Variants in B4GALNT1 observed in about 807,000 individuals in gnomAD.
B4GALNT1 encodes beta-1,4-N-acetyl-galactosaminyltransferase 1, also known as beta-1,4 N-acetylgalactosaminyltransferase 1.
Under a neutral mutation model 55.2 loss-of-function variants are expected in B4GALNT1, and 43 were observed. The observed-to-expected ratio is 0.78, with a 90% confidence interval of 0.61 to 1.00. The LOEUF is 1.00. Among genes scored for constraint, B4GALNT1 ranks in the 50% least tolerant of loss-of-function variants. B4GALNT1 has a pLI of 0.00. For missense variants in B4GALNT1, 664 were observed against 729.7 expected, an observed-to-expected ratio of 0.91 and a Z score of 1.04; for synonymous variants, 305 against 311.6, an observed-to-expected ratio of 0.98 and a Z score of 0.22.
intron 1 of B4GALNT1, 155 bp from the exon 2 acceptor site, chr12:57,632,288 T>C (rs1157830389): frequency 7.7e-6 from 6 of 774,972 alleles, no homozygotes; most frequent in Non-Finnish European, 1.3e-5. Context: ...CCAGCCGCGG[T>C]TTTCCCGGTA....
At chr12:57,628,950 G>T in intron 7 of B4GALNT1, 47 bp from the exon 8 acceptor site, 1 of 1,610,846 alleles carries the variant, frequency 6.2e-7, no homozygotes, top group Non-Finnish European at 8.5e-7. Context: ...AGGGTTGGGA[G>T]AGGGGAACAG....
intron 1 of B4GALNT1, chr12:57,632,405 G>C (rs768097326): frequency 1.9e-5 from 11 of 587,166 alleles, no homozygotes; most frequent in Non-Finnish European, 3.1e-5. Flanking sequence ...TCTTAATGCT[G>C]AAGACATTTG....
chr12:57,631,477 C>T, intron 2 of B4GALNT1, 113 bp from the exon 3 acceptor site: 1 of 1,226,806 alleles, frequency 8.2e-7, no homozygotes, highest in South Asian at 1.4e-5. Flanking sequence ...TCTGTCTAGG[C>T]TCTGTCCCCT....
At chr12:57,629,630 T>C (rs1885067542) in intron 6 of B4GALNT1, 2 of 651,142 alleles carry the variant, frequency 3.1e-6, no homozygotes, top group Admixed American at 3.5e-5. Context: ...GAGGAGGCAT[T>C]TGAACTGAGA....
chr12:57,630,528 A>G lies in B4GALNT1; in HGVS notation c.491-10T>C, dbSNP rs750563337. On this transcript the variant is annotated splice_polypyrimidine_tract_variant and intron_variant, in intron 4 of 10. Transcript: ENST00000341156. ...GCCTGAAGGCTCAGCCCTAGGAGAA[A>G]GGAGTGGGGGGATCAGAATCACATA... is the stretch of plus-strand genomic sequence containing the variant. 15 of 1,601,590 alleles carry G rather than the reference A, an allele frequency of 9.4e-6. No homozygotes were observed. The South Asian group carries it at 1.7e-4, about 18-fold the overall frequency.
chr12:57,629,885 G>C (rs911224870), intron 6 of B4GALNT1: 3 of 1,531,266 alleles, frequency 2.0e-6, no homozygotes, highest in African/African-American at 1.4e-5. Flanking sequence ...CCTTAGACAA[G>C]TCTCTTCCTG....
intron 1 of B4GALNT1, 47 bp from the exon 2 acceptor site, chr12:57,632,180 G>T (rs1885266428): frequency 6.7e-7 from 1 of 1,494,350 alleles, no homozygotes; most frequent in Non-Finnish European, 9.1e-7. Flanking sequence ...GAAGAAGGGA[G>T]GGCAAGGGAT....
rs1392167599 is a variant in B4GALNT1, at chr12:57,632,116, C to T, written c.17G>A (p.Arg6Gln). ...CAGAAGGACCAGAGCGCACAGGGCC[C>T]GGCGGCCCAGCCACATCCTAGGTGG... MWLGR[R>Q]ALCALVLLLA... Residue 6 changes from arginine to glutamine, a missense_variant, in exon 2 of 11, where the codon CGG becomes CAG. Arg to Gln is a conservative substitution (Grantham distance 43, BLOSUM62 1). Transcript: ENST00000341156. The T allele has an allele frequency of 2.0e-6, 3 of 1,501,918 alleles. No homozygotes were observed. Among genetic ancestry groups the T allele is most frequent in the African/African-American group, 2.8e-5 (2 of 70,886 alleles). The allele number at this position is 1,501,918 out of a possible 1,614,324, so 93.0% of individuals were successfully genotyped here.
chr12:57,628,391 C>A, intron 8 of B4GALNT1, 129 bp from the exon 9 acceptor site: 4 of 1,375,830 alleles, frequency 2.9e-6, no homozygotes, highest in East Asian at 4.8e-5. Context: ...TTTCGAAAGG[C>A]CAGGAGCTAG....
rs1037697221 is a variant in B4GALNT1, at chr12:57,624,600, C to T, written c.*2144G>A. 1.5e-6 allele frequency: 1 copy of T among 688,482 alleles called. No homozygotes were observed. Among genetic ancestry groups the T allele is most frequent in the Non-Finnish European group, 2.8e-6 (1 of 360,118 alleles). 42.6% of individuals were successfully genotyped at this position (688,482 alleles called of 1,614,324 possible). Reference sequence around the variant, plus strand: ...TCCATGATGACTGTGGTCTGCCGCACCCGGAGGTGGGCATAGAGATGAGTG... The same window carrying T: ...TCCATGATGACTGTGGTCTGCCGCATCCGGAGGTGGGCATAGAGATGAGTG... On this transcript the variant is annotated 3_prime_UTR_variant, in exon 11 of 11. Coordinates refer to ENST00000341156, the MANE Select transcript of B4GALNT1 (RefSeq NM_001478.5).
At chr12:57,629,237 C>T (rs1885048139) in intron 6 of B4GALNT1, 91 bp from the exon 7 acceptor site, 3 of 1,081,234 alleles carry the variant, frequency 2.8e-6, no homozygotes, top group Admixed American at 6.0e-5. Context: ...CTCTGTGTCC[C>T]ACCTTTCTAG....
At position 57,625,778 on chromosome 12, in the gene B4GALNT1, G is replaced by A. The variant is rs1884770250; in HGVS notation, c.*966C>T. On this transcript the variant is annotated 3_prime_UTR_variant, in exon 11 of 11. Transcript: ENST00000341156. The stretch of plus-strand genomic sequence containing the variant: ...GTAAGTGGCTGGAGACCCAGGGAGA[G>A]GGGTTTGGGAAAGGGTCTGAGGAAG... 2.0e-5 allele frequency: 30 copies of A among 1,509,266 alleles called. No individual in the cohort carries two copies. The highest frequency in any genetic ancestry group is 5.4e-5 in the South Asian group (4 of 74,340). The allele number at this position is 1,509,266 out of a possible 1,614,324, so 93.5% of individuals were successfully genotyped here. A position where few individuals can be genotyped will look rare whatever the true frequency, so the allele number is the denominator to read the frequency against.
At position 57,625,341 on chromosome 12, in the gene B4GALNT1, G is replaced by C; in HGVS notation, c.*1403C>G. ...CAGGTGAGGGAGAGGGTAGGTTGAG[G>C]AGAAACCCCTTAGCATCTCACTCAT... On this transcript the variant is annotated 3_prime_UTR_variant, in exon 11 of 11. Coordinates refer to ENST00000341156, the MANE Select transcript of B4GALNT1 (RefSeq NM_001478.5). The C allele has an allele frequency of 3.7e-6, 6 of 1,614,048 alleles. No individual in the cohort carries two copies. The highest frequency in any genetic ancestry group is 5.1e-6 in the Non-Finnish European group (6 of 1,180,002).
intron 10 of B4GALNT1, 59 bp from the exon 11 acceptor site, chr12:57,627,020 A>G: frequency 3.5e-6 from 5 of 1,427,974 alleles, no homozygotes; most frequent in South Asian, 2.4e-5. Flanking sequence ...GCCGACTGGT[A>G]AGGGAGAACT....
chr12:57,631,845 G>A, intron 2 of B4GALNT1, 70 bp downstream of exon 2: 2 of 1,304,088 alleles, frequency 1.5e-6, no homozygotes, highest in Non-Finnish European at 2.0e-6. Context: ...GAGCCCAGCA[G>A]TGGAGAAAAC....
chr12:57,629,461 C>G, intron 6 of B4GALNT1: 1 of 320,974 alleles, frequency 3.1e-6, no homozygotes, highest in Non-Finnish European at 5.6e-6. Flanking sequence ...GAAAAAAAAG[C>G]TGAGACACAG....
At chr12:57,627,940 G>C in intron 9 of B4GALNT1, 82 bp from the exon 10 acceptor site, 1 of 1,472,388 alleles carries the variant, frequency 6.8e-7, no homozygotes, top group Non-Finnish European at 9.0e-7. Context: ...CGGTGCCTTC[G>C]GGGGTACCCC....
rs1421344241 is a variant in B4GALNT1, at chr12:57,623,478, T to A, written c.*3266A>T. The A allele has an allele frequency of 9.1e-6, 4 of 438,430 alleles. No individual in the cohort carries two copies. Among genetic ancestry groups the A allele is most frequent in the African/African-American group, 8.0e-5 (4 of 49,880 alleles). The allele number at this position is 438,430 out of a possible 1,614,324, so 27.2% of individuals were successfully genotyped here. ...TGTCTTTTAAAAGGAATATCACATA[T>A]CAAAGTCTCCCCCTAATATTTTTGG... On this transcript the variant is annotated 3_prime_UTR_variant, in exon 11 of 11. Transcript: ENST00000341156.
At position 57,623,657 on chromosome 12, in the gene B4GALNT1, G is replaced by A; in HGVS notation, c.*3087C>T. On this transcript the variant is annotated 3_prime_UTR_variant, in exon 11 of 11. Coordinates refer to ENST00000341156, the MANE Select transcript of B4GALNT1 (RefSeq NM_001478.5). ...GTGAATAATGGGCATTTAATTAATT[G>A]GGGGGAGCGGGAGGGTTAGATGTGA... 1.7e-6 allele frequency: 1 copy of A among 588,582 alleles called. No homozygotes were observed. The highest frequency in any genetic ancestry group is 3.0e-6 in the Non-Finnish European group (1 of 332,324). 36.5% of individuals were successfully genotyped at this position (588,582 alleles called of 1,614,324 possible).
Sources: allele counts gnomAD v4.1 joint callset, GRCh38; gene constraint gnomAD v4.1.1; transcripts MANE v1.5; gene names NCBI Gene and HGNC (gene_info 2026-07-23, HGNC 2026-07-21).